The following LUZP1 variants were observed in gnomAD, a reference collection of about 807,000 sequenced individuals.
LUZP1 encodes filamin mechanobinding actin cross-linking protein.
Under a neutral mutation model 71.3 loss-of-function variants are expected in LUZP1, and 25 were observed. The ratio of observed to expected loss-of-function variants is 0.35; its 90% CI spans 0.26 to 0.49. The LOEUF (loss-of-function observed/expected upper bound fraction) is 0.49. Among genes scored for constraint, LUZP1 ranks in the 20% least tolerant of loss-of-function variants. LUZP1 has a pLI of 0.99. For synonymous variants in LUZP1, 481 were observed against 506.4 expected (o/e 0.95, Z 0.67); for missense variants, 1,142 against 1,300.8 (o/e 0.88, Z 1.88).
intron 2 of LUZP1, among the ~76,000 whole-genome samples, chr1:23,152,159 T>G (rs988212581): frequency 6.6e-6 from 1 of 152,078 alleles, no homozygotes; most frequent in African/African-American, 2.4e-5. Flanking sequence ...ACAGGGCAAA[T>G]TATGTTAAAA....
chr1:23,095,018 C>T (rs1436194176), intron 3 of LUZP1, among the ~76,000 whole-genome samples: 6 of 152,100 alleles, frequency 3.9e-5, no homozygotes, highest in African/African-American at 7.2e-5. Flanking sequence ...TGAGTTGGCC[C>T]GACCCAGCCA....
exon 4 of LUZP1, chr1:23,092,341 G>A (rs940229240): frequency 6.2e-7 from 1 of 1,614,126 alleles, no homozygotes; most frequent in Non-Finnish European, 8.5e-7. Context: ...AAGGCTTCAT[G>A]CGGACTGCTG....
intron 2 of LUZP1, among the ~76,000 whole-genome samples, chr1:23,139,354 G>A (rs909194308): frequency 1.3e-4 from 20 of 151,998 alleles, no homozygotes; most frequent in African/African-American, 4.8e-4. Flanking sequence ...TGTGTTAAGT[G>A]CAACAACAGA....
At chr1:23,165,381 T>C (rs905098578) in intron 2 of LUZP1, among the ~76,000 whole-genome samples, 25 of 149,808 alleles carry the variant, frequency 1.7e-4, no homozygotes, top group African/African-American at 5.7e-4. Flanking sequence ...TTTTAAAGAA[T>C]GCATTCCGGG....
intron 4 of LUZP1, chr1:23,090,893 G>A: frequency 1.4e-6 from 1 of 717,944 alleles, no homozygotes; most frequent in Non-Finnish European, 2.6e-6. Flanking sequence ...AGCTCCTTTA[G>A]CTGCTCTGGC....
intron 3 of LUZP1, among the ~76,000 whole-genome samples, chr1:23,105,086 A>G (rs1321166135): frequency 2.0e-5 from 3 of 152,234 alleles, no homozygotes; most frequent in Non-Finnish European, 4.4e-5. Flanking sequence ...GGGATTAAGT[A>G]AGAGAGTAAC....
Position 23,164,278 on chromosome 1 carries a change from G to A in LUZP1, c.-226+4488C>T, listed in dbSNP as rs549532582. Among the ~76,000 whole-genome samples, 3 of 152,236 alleles carry A rather than the reference G, an allele frequency of 2.0e-5. No individual in the cohort carries two copies. In the South Asian group the frequency reaches 6.2e-4, roughly 32 times the overall value. On this transcript the variant is annotated intron_variant, in intron 2 of 4. Transcript: ENST00000302291. Reference sequence around the variant, plus strand: ...TGGGAGGCCGAAGCGGGCGGATCACGAGGTCAGGAGATCGAGACCATCCTG... The same window carrying A: ...TGGGAGGCCGAAGCGGGCGGATCACAAGGTCAGGAGATCGAGACCATCCTG...
intron 3 of LUZP1, among the ~76,000 whole-genome samples, chr1:23,099,999 C>T (rs1261540001): frequency 1.3e-5 from 2 of 152,178 alleles, no homozygotes; most frequent in East Asian, 3.8e-4. Context: ...ACAATACATC[C>T]TTCTGGAAAA....
Position 23,155,728 on chromosome 1 carries a change from A to C in LUZP1, c.-226+13038T>G, listed in dbSNP as rs1644416630. Among the ~76,000 whole-genome samples the C allele has an allele frequency of 2.0e-5, 3 of 152,244 alleles. No individual in the cohort carries two copies. In the South Asian group the frequency reaches 6.2e-4, roughly 32 times the overall value. On this transcript the variant is annotated intron_variant, in intron 2 of 4. Coordinates refer to ENST00000302291, the Ensembl canonical transcript of LUZP1. ...CTACTCGGAAGGCTGAGATGAGGGA[A>C]TCACTTGAACCCGAGAGCCAAGATC...
chr1:23,115,626 C>T (rs1011609122), intron 2 of LUZP1, among the ~76,000 whole-genome samples: 9 of 152,102 alleles, frequency 5.9e-5, no homozygotes, highest in Non-Finnish European at 1.2e-4. Context: ...CTGCAACCTC[C>T]GCCTCCCGGG....
intron 2 of LUZP1, among the ~76,000 whole-genome samples, chr1:23,167,101 T>C (rs559260684): frequency 1.8e-4 from 27 of 152,226 alleles, no homozygotes; most frequent in African/African-American, 6.3e-4. Context: ...AAAAGAAGAA[T>C]TTTCTATGGG....
intron 2 of LUZP1, among the ~76,000 whole-genome samples, chr1:23,121,963 G>T (rs970298581): frequency 6.6e-6 from 1 of 152,154 alleles, no homozygotes; most frequent in Admixed American, 6.5e-5. Context: ...AGTGAGCTGA[G>T]ATCATACCAC....
intron 2 of LUZP1, among the ~76,000 whole-genome samples, chr1:23,118,474 G>T (rs534317941): frequency 1.6e-4 from 25 of 152,258 alleles, no homozygotes; most frequent in Admixed American, 7.8e-4. Flanking sequence ...AGAATCCTGA[G>T]TTCTACTCTT....
Position 23,085,230 on chromosome 1 carries a change from GC to G in LUZP1, c.*3664del, listed in dbSNP as rs1195740127. Reference sequence around the variant, plus strand: ...GCAAGTAGGTGTGGACCAACAGGCTGCCCCCAACAAAGGGGCCTATAATGCA... The same window carrying G: ...GCAAGTAGGTGTGGACCAACAGGCTGCCCCAACAAAGGGGCCTATAATGCA... On this transcript the variant is annotated 3_prime_UTR_variant, in exon 5 of 5. Coordinates refer to ENST00000302291, the Ensembl canonical transcript of LUZP1. 2.0e-5 allele frequency: 3 copies of G among 152,662 alleles called. No homozygotes were observed. The East Asian group carries it at 5.8e-4, about 29-fold the overall frequency. The allele number at this position is 152,662 out of a possible 1,614,324, so 9.5% of individuals were successfully genotyped here. A position where few individuals can be genotyped will look rare whatever the true frequency, so the allele number is the denominator to read the frequency against.
intron 2 of LUZP1, among the ~76,000 whole-genome samples, chr1:23,133,959 A>T (rs191427623): frequency 2.6e-4 from 39 of 152,238 alleles, no homozygotes; most frequent in Non-Finnish European, 4.9e-4. Context: ...ACTGGCCTGG[A>T]CTCTTCCAAA....
At chr1:23,096,662 TG>T (rs1643893792) in intron 3 of LUZP1, among the ~76,000 whole-genome samples, 1 of 152,114 alleles carries the variant, frequency 6.6e-6, no homozygotes, top group Admixed American at 6.5e-5. Flanking sequence ...ATAAAATACC[TG>T]AGGTAGTAAT....
chr1:23,089,524 C>A (rs1442349399), intron 4 of LUZP1, among the ~76,000 whole-genome samples: 1 of 152,190 alleles, frequency 6.6e-6, no homozygotes, highest in Non-Finnish European at 1.5e-5. Context: ...CGTCTCTCAT[C>A]CTTTATCTCT....
At chr1:23,092,790 G>A (rs35917050) in exon 4 of LUZP1, 42,947 of 1,613,656 alleles carry the variant, frequency 0.027, 690 homozygotes, top group Middle Eastern at 0.054. Context: ...TGGCTTGGAA[G>A]TCCCCTTCCA....
chr1:23,169,068 G>A (rs1259390320), intron 1 of LUZP1: 1 of 152,194 alleles, frequency 6.6e-6, no homozygotes, highest in Non-Finnish European at 1.5e-5. Context: ...ATTTCAGGAG[G>A]GACACTTTCG....
Sources: gnomAD v4.1 joint callset for allele counts (sites outside exome capture counted in the v4.1 genomes callset) on GRCh38, gnomAD v4.1.1 for gene constraint, MANE v1.5 for transcripts, NCBI Gene and HGNC (gene_info 2026-07-23, HGNC 2026-07-21) for gene names.